The following LUZP2 variants were observed in gnomAD, a reference collection of about 807,000 sequenced individuals.
LUZP2 encodes leucine zipper protein 2.
LUZP2 carries 52 observed loss-of-function variants against 51.6 expected under a neutral mutation model. The observed-to-expected ratio is 1.01, with a 90% CI of 0.81 to 1.27. LUZP2 has a LOEUF of 1.27. LUZP2 is among the 50% of genes most tolerant of loss of function. LUZP2 has a pLI of 0.00. For synonymous variants in LUZP2, 154 were observed against 137.3 expected, an observed-to-expected ratio of 1.12 and a Z score of -0.85; for missense variants, 436 against 395.4, an observed-to-expected ratio of 1.10 and a Z score of -0.87.
chr11:24,615,314 A>T (rs1342438628), intron 1 of LUZP2, among the ~76,000 whole-genome samples: 3 of 151,858 alleles, frequency 2.0e-5, no homozygotes, highest in Non-Finnish European at 4.4e-5. Context: ...CTTACCTATG[A>T]ATGCCAGTTC....
intron 1 of LUZP2, among the ~76,000 whole-genome samples, chr11:24,718,185 T>A (rs544245297): frequency 6.6e-6 from 1 of 152,250 alleles, no homozygotes; most frequent in South Asian, 2.1e-4. Context: ...GAACAGCAAA[T>A]GTTTCTACAC....
intron 5 of LUZP2, among the ~76,000 whole-genome samples, chr11:24,881,473 T>A (rs1852467054): frequency 6.6e-6 from 1 of 151,848 alleles, no homozygotes; most frequent in East Asian, 1.9e-4. Flanking sequence ...TTGCATGAGA[T>A]CTTTATGCTC....
At chr11:24,981,129 A>T (rs1003140936) in intron 8 of LUZP2, among the ~76,000 whole-genome samples, 8 of 151,836 alleles carry the variant, frequency 5.3e-5, no homozygotes, top group African/African-American at 1.2e-4. Flanking sequence ...TAAAAATGTA[A>T]TGCCATCGTG....
intron 5 of LUZP2, among the ~76,000 whole-genome samples, chr11:24,797,219 A>G (rs1330185608): frequency 1.3e-5 from 2 of 152,198 alleles, no homozygotes; most frequent in Non-Finnish European, 2.9e-5. Flanking sequence ...ATATGTCATA[A>G]TGAAGCATTC....
At chr11:25,015,962 C>T (rs765503827) in intron 9 of LUZP2, among the ~76,000 whole-genome samples, 1 of 150,372 alleles carries the variant, frequency 6.7e-6, no homozygotes, top group African/African-American at 2.5e-5. Flanking sequence ...TCTCTGTCAC[C>T]CAGGCTGGAG....
chr11:25,036,026 G>T (rs555095688), intron 9 of LUZP2, among the ~76,000 whole-genome samples: 53 of 152,018 alleles, frequency 3.5e-4, no homozygotes, highest in Non-Finnish European at 6.0e-4. Flanking sequence ...TTTTGGAATA[G>T]TTTCAGTAAG....
intron 10 of LUZP2, among the ~76,000 whole-genome samples, chr11:25,050,475 T>C (rs1454142874): frequency 1.3e-5 from 2 of 151,944 alleles, no homozygotes; most frequent in Non-Finnish European, 2.9e-5. Context: ...CGGCTAATTT[T>C]TTGTATTTTT....
At chr11:24,556,647 G>C (rs1851878703) in intron 1 of LUZP2, among the ~76,000 whole-genome samples, 1 of 152,108 alleles carries the variant, frequency 6.6e-6, no homozygotes, top group Non-Finnish European at 1.5e-5. Flanking sequence ...GTTCTTCCTT[G>C]AGTAGACTAC....
At chr11:24,644,893 A>G (rs1443394969) in intron 1 of LUZP2, among the ~76,000 whole-genome samples, 7 of 152,210 alleles carry the variant, frequency 4.6e-5, no homozygotes, top group Non-Finnish European at 8.8e-5. Context: ...ATTTTTGGCC[A>G]AGCGTTTCAG....
chr11:24,526,664 CTATAA>C (rs1335760481), intron 1 of LUZP2, among the ~76,000 whole-genome samples: 3 of 151,340 alleles, frequency 2.0e-5, no homozygotes, highest in Non-Finnish European at 4.4e-5. Flanking sequence ...TTGACAGTTA[CTATAA>C]TATATTAAAT....
intron 6 of LUZP2, among the ~76,000 whole-genome samples, chr11:24,906,852 G>A (rs530994886): frequency 1.3e-5 from 2 of 152,268 alleles, no homozygotes; most frequent in Admixed American, 6.5e-5. Context: ...CATGATGAAT[G>A]TCTTATACCT....
chr11:25,009,508 A>C (rs1328858728), intron 9 of LUZP2, among the ~76,000 whole-genome samples: 1 of 152,158 alleles, frequency 6.6e-6, no homozygotes, highest in Non-Finnish European at 1.5e-5. Flanking sequence ...ACTTTTATCT[A>C]GTAACTAAAG....
intron 1 of LUZP2, among the ~76,000 whole-genome samples, chr11:24,567,583 A>G (rs2133791352): frequency 6.6e-6 from 1 of 152,226 alleles, no homozygotes; most frequent in Admixed American, 6.6e-5. Flanking sequence ...AGAGAGAGAA[A>G]AATGACTCAT....
At chr11:24,627,227 C>T (rs1365496174) in intron 1 of LUZP2, among the ~76,000 whole-genome samples, 1 of 152,104 alleles carries the variant, frequency 6.6e-6, no homozygotes, top group East Asian at 1.9e-4. Flanking sequence ...TACCTCAAAG[C>T]AGACATAGGC....
intron 10 of LUZP2, among the ~76,000 whole-genome samples, chr11:25,076,542 AG>A (rs1859302768): frequency 6.0e-5 from 9 of 151,056 alleles, no homozygotes; most frequent in Admixed American, 2.0e-4. Flanking sequence ...AAAGGGAGGA[AG>A]GAAGAGAGGA....
At chr11:24,818,771 C>G (rs1048724329) in intron 5 of LUZP2, among the ~76,000 whole-genome samples, 2 of 151,944 alleles carry the variant, frequency 1.3e-5, no homozygotes, top group African/African-American at 2.4e-5. Context: ...TTTCATGACC[C>G]CTTACTTGGC....
chr11:24,714,619 A>G (rs2133938156), intron 1 of LUZP2, among the ~76,000 whole-genome samples: 1 of 152,304 alleles, frequency 6.6e-6, no homozygotes, highest in African/African-American at 2.4e-5. Flanking sequence ...CCCCTAACCC[A>G]TACGTTCATC....
chr11:24,547,957 C>T (rs1851612479), intron 1 of LUZP2, among the ~76,000 whole-genome samples: 1 of 152,092 alleles, frequency 6.6e-6, no homozygotes, highest in African/African-American at 2.4e-5. Context: ...AGATTCTCCA[C>T]ACCACTAATC....
At chr11:24,737,227 A>C (rs762323735) in intron 3 of LUZP2, among the ~76,000 whole-genome samples, 23 of 152,090 alleles carry the variant, frequency 1.5e-4, no homozygotes, top group Non-Finnish European at 3.1e-4. Context: ...GCACAAACCT[A>C]TAAGTTAGTT....
Sources: gnomAD v4.1 joint callset for allele counts (sites outside exome capture counted in the v4.1 genomes callset) on GRCh38, gnomAD v4.1.1 for gene constraint, MANE v1.5 for transcripts, NCBI Gene and HGNC (gene_info 2026-07-23, HGNC 2026-07-21) for gene names.